SHROOM4: variants seen among roughly 807,000 people sequenced by gnomAD.
SHROOM4 encodes shroom family member 4.
In SHROOM4, 17 loss-of-function variants were observed where a neutral mutation model predicts 80.3. The observed-to-expected ratio is 0.21, with a 90% CI of 0.14 to 0.32. The LOEUF (loss-of-function observed/expected upper bound fraction) is 0.32. SHROOM4 is among the 10% of genes least tolerant of loss of function. SHROOM4 has a pLI of 1.00. For synonymous variants in SHROOM4, 400 were observed against 437.5 expected (o/e 0.91, Z 1.07); for missense variants, 993 against 1,140.3 (o/e 0.87, Z 1.86).
At chrX:50,717,645 A>C (rs1933999181) in intron 1 of SHROOM4, among the ~76,000 whole-genome samples, 1 of 111,658 alleles carries the variant, frequency 9.0e-6, no homozygotes, top group African/African-American at 3.3e-5. Flanking sequence ...AAGGGACAAG[A>C]ACATTTACAT....
chrX:50,714,623 T>A (rs1372596258), intron 1 of SHROOM4, among the ~76,000 whole-genome samples: 2 of 112,224 alleles, frequency 1.8e-5, no homozygotes, highest in African/African-American at 6.5e-5. Context: ...TATATTTAAA[T>A]AATATTTACT....
intron 5 of SHROOM4, 141 bp from the exon 6 acceptor site, chrX:50,608,325 ATAT>A (rs1352039581): frequency 8.0e-6 from 4 of 499,825 alleles, no homozygotes; most frequent in African/African-American, 7.2e-5. Context: ...AGTAATAATA[ATAT>A]TATAATAATG....
chrX:50,804,924 T>A (rs1360001302), intron 1 of SHROOM4, among the ~76,000 whole-genome samples: 1 of 110,380 alleles, frequency 9.1e-6, no homozygotes, highest in Non-Finnish European at 1.9e-5. Context: ...CAATTTAAGT[T>A]AATACAGAGC....
chrX:50,590,077 T>C lies in SHROOM4; in HGVS notation c.*6618A>G, dbSNP rs1405717345. On this transcript the variant is annotated 3_prime_UTR_variant, in exon 9 of 9. Coordinates refer to ENST00000376020, the MANE Select transcript of SHROOM4 (RefSeq NM_020717.5). ...TGCTTGCTAGCCAGTTGCATATTGC[T>C]ATAAGCTGAATGTTTGTGTCCTCTC... 9.0e-6 allele frequency among the ~76,000 whole-genome samples: 1 copy of C among 111,730 alleles called. No homozygotes were observed. The highest frequency in any genetic ancestry group is 2.8e-4 in the East Asian group (1 of 3,552).
chrX:50,618,353 TTCC>T (rs1930387112), intron 5 of SHROOM4, among the ~76,000 whole-genome samples: 4 of 14,857 alleles, frequency 2.7e-4, no homozygotes, highest in African/African-American at 1.0e-3. Context: ...CCTTCCTTCC[TTCC>T]TTCCTTCCTT....
chrX:50,578,385 C>T, the SHROOM4 span, among the ~76,000 whole-genome samples: 27 of 112,367 alleles, frequency 2.4e-4, no homozygotes, highest in African/African-American at 8.7e-4. Context: ...CGACTCATTG[C>T]CACCTCCACC....
the SHROOM4 span, among the ~76,000 whole-genome samples, chrX:50,578,137 T>C: frequency 9.0e-6 from 1 of 111,390 alleles, no homozygotes; most frequent in African/African-American, 3.3e-5. Flanking sequence ...CTTCTCAAAG[T>C]TTCCAGAGAG....
chrX:50,760,471 G>T (rs1238453082), intron 1 of SHROOM4, among the ~76,000 whole-genome samples: 3 of 108,430 alleles, frequency 2.8e-5, no homozygotes, highest in Non-Finnish European at 5.7e-5. Context: ...ACAAGTAGCT[G>T]GGACTACAGG....
intron 1 of SHROOM4, among the ~76,000 whole-genome samples, chrX:50,701,525 G>A (rs1308164685): frequency 1.8e-5 from 2 of 111,724 alleles, no homozygotes; most frequent in Non-Finnish European, 3.8e-5. Flanking sequence ...TTAGTCTTTG[G>A]TGGTATAGAA....
intron 1 of SHROOM4, among the ~76,000 whole-genome samples, chrX:50,726,145 TAAG>T (rs1934238533): frequency 9.0e-6 from 1 of 111,730 alleles, no homozygotes; most frequent in Non-Finnish European, 1.9e-5. Context: ...ACTTTGAACT[TAAG>T]AGATGATTTA....
intron 1 of SHROOM4, among the ~76,000 whole-genome samples, chrX:50,788,811 G>C (rs1557271305): frequency 9.0e-6 from 1 of 111,065 alleles, no homozygotes; most frequent in Non-Finnish European, 1.9e-5. Context: ...CACACAGGCT[G>C]AAAGTAAAGG....
intron 1 of SHROOM4, among the ~76,000 whole-genome samples, chrX:50,720,975 C>T (rs1328507933): frequency 8.9e-6 from 1 of 111,738 alleles, no homozygotes; most frequent in African/African-American, 3.3e-5. Context: ...TTTCATATGC[C>T]ATGTTAGGGA....
At chrX:50,709,963 T>G (rs1381764730) in intron 1 of SHROOM4, among the ~76,000 whole-genome samples, 3 of 111,899 alleles carry the variant, frequency 2.7e-5, no homozygotes, top group Non-Finnish European at 5.6e-5. Context: ...TGCTACAGTG[T>G]AAAAATCTCT....
chrX:50,742,792 T>C (rs1602480255), intron 1 of SHROOM4, among the ~76,000 whole-genome samples: 2 of 111,623 alleles, frequency 1.8e-5, no homozygotes, highest in East Asian at 5.6e-4. Context: ...TTACAATTTT[T>C]TCCTTTCCAT....
intron 5 of SHROOM4, among the ~76,000 whole-genome samples, chrX:50,611,366 G>A (rs1483657029): frequency 1.9e-5 from 2 of 107,822 alleles, no homozygotes; most frequent in Non-Finnish European, 3.8e-5. Flanking sequence ...TAGCCAGGAT[G>A]GTCTCGATCT....
chrX:50,712,414 T>G (rs1449128054), intron 1 of SHROOM4, among the ~76,000 whole-genome samples: 1 of 111,856 alleles, frequency 8.9e-6, no homozygotes, highest in African/African-American at 3.2e-5. Context: ...TCATTGTAAA[T>G]GTTAAAATAA....
chrX:50,601,921 G>A (rs1471937324), intron 7 of SHROOM4, among the ~76,000 whole-genome samples: 1 of 111,190 alleles, frequency 9.0e-6, no homozygotes, highest in Admixed American at 9.5e-5. Context: ...TTACTTACAA[G>A]GCTGGCTTAA....
chrX:50,807,189 G>A (rs1448393286), intron 1 of SHROOM4, among the ~76,000 whole-genome samples: 5 of 112,030 alleles, frequency 4.5e-5, no homozygotes, highest in Non-Finnish European at 9.4e-5. Context: ...TAGTAGTAAC[G>A]AAAGATATTT....
intron 1 of SHROOM4, among the ~76,000 whole-genome samples, chrX:50,708,571 G>A (rs782582621): frequency 6.3e-5 from 7 of 111,923 alleles, no homozygotes; most frequent in Non-Finnish European, 1.3e-4. Context: ...TTCCATGTAC[G>A]GTCCACTTTA....
Sources: allele counts gnomAD v4.1 joint callset (sites outside exome capture counted in the v4.1 genomes callset), GRCh38; gene constraint gnomAD v4.1.1; transcripts MANE v1.5; gene names NCBI Gene and HGNC (gene_info 2026-07-23, HGNC 2026-07-21).